Variants in PSD3 observed in about 807,000 individuals in gnomAD.
The protein encoded by PSD3 is PH and SEC7 domain-containing protein 3.
Under a neutral mutation model 105.5 loss-of-function variants are expected in PSD3, and 49 were observed. The ratio of observed to expected loss-of-function variants is 0.46; its 90% CI spans 0.37 to 0.59. The LOEUF (loss-of-function observed/expected upper bound fraction) is 0.59. PSD3 is among the 20% of genes least tolerant of loss of function. The probability of loss-of-function intolerance (pLI) is 0.00; values close to 1 mark genes in which losing one functional copy is unlikely to be tolerated. For synonymous variants in PSD3, 557 were observed against 457.8 expected, an observed-to-expected ratio of 1.22 and a Z score of -2.77; for missense variants, 1,561 against 1,263.8, an observed-to-expected ratio of 1.24 and a Z score of -3.57.
chr8:18,780,336 T>G (rs552551324), intron 8 of PSD3, among the ~76,000 whole-genome samples: 1 of 84,806 alleles, frequency 1.2e-5, no homozygotes, highest in South Asian at 5.8e-4. Context: ...ATAGGCAGTA[T>G]ATAGTTAAGT....
rs74973554 is a variant in PSD3, at chr8:19,003,848, G to A, written c.21+9715C>T. 1.5e-4 allele frequency among the ~76,000 whole-genome samples: 23 copies of A among 151,890 alleles called. 1 individual carries two copies. Among genetic ancestry groups the A allele is most frequent in the African/African-American group, 3.9e-4 (16 of 41,470 alleles). Reference sequence around the variant, plus strand: ...ATCAGCTCCTTGTAATCTCCCTGGCGAGGGATGTTTGTCAACTGGAGACCA... The same window carrying A: ...ATCAGCTCCTTGTAATCTCCCTGGCAAGGGATGTTTGTCAACTGGAGACCA... On this transcript the variant is annotated intron_variant, in intron 1 of 15. Transcript: ENST00000327040.
At chr8:18,671,255 G>T (rs574142854) in intron 9 of PSD3, among the ~76,000 whole-genome samples, 1 of 152,310 alleles carries the variant, frequency 6.6e-6, no homozygotes, top group East Asian at 1.9e-4. Flanking sequence ...TAGGCAGATT[G>T]TTGCTTGGTG....
chr8:18,839,476 C>T (rs1814428391), intron 4 of PSD3, among the ~76,000 whole-genome samples: 1 of 152,154 alleles, frequency 6.6e-6, no homozygotes, highest in Non-Finnish European at 1.5e-5. Flanking sequence ...TGCTTTTCCT[C>T]CCACAACTCC....
intron 1 of PSD3, among the ~76,000 whole-genome samples, chr8:19,048,158 C>T (rs551699113): frequency 8.5e-5 from 13 of 152,276 alleles, no homozygotes; most frequent in East Asian, 3.9e-4. Flanking sequence ...CCAAGCTTCA[C>T]GGCTGCCCTC....
chr8:18,882,816 A>G (rs1818193979), intron 2 of PSD3, among the ~76,000 whole-genome samples: 1 of 151,490 alleles, frequency 6.6e-6, no homozygotes, highest in East Asian at 1.9e-4. Flanking sequence ...GGATATATAT[A>G]TACATATATA....
At position 18,672,944 on chromosome 8, in the gene PSD3, A is replaced by ATATGCTGTC. The variant is rs570149587; in HGVS notation, c.2173-17268_2173-17260dup. Reference sequence around the variant, plus strand: ...TTATTCCAGTCTCGTATGTACCTATATATGCTGTCTACATTCCTTCTGATT... The same window carrying ATATGCTGTC: ...TTATTCCAGTCTCGTATGTACCTATATATGCTGTCTATGCTGTCTACATTCCTTCTGATT... On this transcript the variant is annotated intron_variant, in intron 9 of 15. Coordinates refer to ENST00000327040, the MANE Select transcript of PSD3 (RefSeq NM_015310.4). Among the ~76,000 whole-genome samples, 370 of 152,246 alleles carry ATATGCTGTC rather than the reference A, an allele frequency of 2.4e-3. 2 individuals carry two copies. Among genetic ancestry groups the ATATGCTGTC allele is most frequent in the African/African-American group, 7.5e-3 (310 of 41,516 alleles).
chr8:18,548,595 G>T (rs1453630899), intron 15 of PSD3, among the ~76,000 whole-genome samples: 2 of 152,262 alleles, frequency 1.3e-5, no homozygotes, highest in African/African-American at 2.4e-5. Flanking sequence ...ATCCTGCAAG[G>T]CTGAGTGCTG....
At chr8:18,563,265 C>T (rs997399628) in intron 14 of PSD3, among the ~76,000 whole-genome samples, 1 of 152,140 alleles carries the variant, frequency 6.6e-6, no homozygotes, top group Non-Finnish European at 1.5e-5. Flanking sequence ...ATTGTCTCAC[C>T]TGTTTTTATA....
intron 9 of PSD3, among the ~76,000 whole-genome samples, chr8:18,761,803 G>A (rs1029971354): frequency 2.6e-5 from 4 of 152,102 alleles, no homozygotes; most frequent in East Asian, 3.8e-4. Context: ...ACATCCAACC[G>A]CTGGGATGGG....
chr8:18,978,520 C>T (rs1444960198), intron 1 of PSD3, among the ~76,000 whole-genome samples: 1 of 152,172 alleles, frequency 6.6e-6, no homozygotes, highest in African/African-American at 2.4e-5. Context: ...TTTGCCCCTC[C>T]TCTCCTTAAC....
intron 11 of PSD3, among the ~76,000 whole-genome samples, chr8:18,611,915 C>G: frequency 6.6e-6 from 1 of 152,172 alleles, no homozygotes; most frequent in East Asian, 1.9e-4. Context: ...GGGAAGACCC[C>G]TTCTTGCTTA....
chr8:18,984,192 A>AAATAAT lies in PSD3; in HGVS notation c.21+29365_21+29370dup, dbSNP rs59486224. Among the ~76,000 whole-genome samples the AAATAAT allele has an allele frequency of 4.6e-3, 669 of 146,420 alleles. 4 individuals are homozygous for AAATAAT. Among genetic ancestry groups the AAATAAT allele is most frequent in the South Asian group, 9.6e-3 (44 of 4,584 alleles). ...CAAAGTTGCCACAACCCTTCAATTA[A>AAATAAT]AATAATAATAATAATAATAATAATA... On this transcript the variant is annotated intron_variant, in intron 1 of 15. Transcript: ENST00000327040.
At chr8:18,840,396 T>A (rs867238534) in intron 4 of PSD3, among the ~76,000 whole-genome samples, 16 of 152,204 alleles carry the variant, frequency 1.1e-4, no homozygotes, top group African/African-American at 3.9e-4. Context: ...AAATGAACCC[T>A]AGTTGGTCTA....
intron 2 of PSD3, among the ~76,000 whole-genome samples, chr8:18,920,223 C>A: frequency 6.6e-6 from 1 of 152,090 alleles, no homozygotes; most frequent in Non-Finnish European, 1.5e-5. Flanking sequence ...AATACCTTTT[C>A]GTAACATTTT....
At chr8:18,567,827 G>C (rs1459729239) in intron 14 of PSD3, among the ~76,000 whole-genome samples, 1 of 152,124 alleles carries the variant, frequency 6.6e-6, no homozygotes, top group Non-Finnish European at 1.5e-5. Flanking sequence ...ATATAGTTTG[G>C]ATGCTTGTCC....
chr8:19,039,434 T>C (rs1372240086), intron 1 of PSD3, among the ~76,000 whole-genome samples: 2 of 152,214 alleles, frequency 1.3e-5, no homozygotes, highest in African/African-American at 4.8e-5. Flanking sequence ...TACTTTTCTG[T>C]ATCCTGACTT....
intron 14 of PSD3, among the ~76,000 whole-genome samples, chr8:18,562,748 G>A (rs944509208): frequency 3.9e-5 from 6 of 152,116 alleles, no homozygotes; most frequent in Non-Finnish European, 5.9e-5. Flanking sequence ...AATTAGCCGG[G>A]TGTGGTGGCA....
intron 14 of PSD3, among the ~76,000 whole-genome samples, chr8:18,556,667 T>C (rs964875589): frequency 6.6e-6 from 1 of 152,244 alleles, no homozygotes; most frequent in Non-Finnish European, 1.5e-5. Flanking sequence ...CTGACAGGCA[T>C]GTCACCAGCT....
In PSD3 at chr8:18,527,355, A is replaced by G. The variant is rs1036214492; in HGVS notation, c.*8388T>C. The G allele has an allele frequency of 5.2e-5, 8 of 152,700 alleles. No homozygotes were observed. Among genetic ancestry groups the G allele is most frequent in the African/African-American group, 1.4e-4 (6 of 41,470 alleles). The allele number at this position is 152,700 out of a possible 1,614,324, so 9.5% of individuals were successfully genotyped here. A position where few individuals can be genotyped will look rare whatever the true frequency, so the allele number is the denominator to read the frequency against. On this transcript the variant is annotated 3_prime_UTR_variant, in exon 16 of 16. Transcript: ENST00000327040. ...TTCTAAAGTTTGTACATTTACATGT[A>G]TCATATACATATTTTAAATCCTTCA...
Sources: gnomAD v4.1 joint callset for allele counts (sites outside exome capture counted in the v4.1 genomes callset) on GRCh38, gnomAD v4.1.1 for gene constraint, MANE v1.5 for transcripts, NCBI Gene and HGNC (gene_info 2026-07-23, HGNC 2026-07-21) for gene names.